The following PITPNM2 variants were observed in gnomAD, a reference collection of about 807,000 sequenced individuals.
PITPNM2 encodes phosphatidylinositol transfer protein membrane associated 2.
Under a neutral mutation model 132.2 loss-of-function variants are expected in PITPNM2, and 35 were observed. That is an observed-to-expected ratio of 0.26 (90% CI 0.20 to 0.35). The LOEUF is 0.35. PITPNM2 is among the 10% of genes least tolerant of loss of function. PITPNM2 has a pLI of 1.00. For missense variants in PITPNM2, 1,332 were observed against 1,912.0 expected (o/e 0.70, Z 5.66); for synonymous variants, 738 against 799.2 (o/e 0.92, Z 1.29).
At chr12:123,013,237 C>T (rs2039285261) in intron 4 of PITPNM2, among the ~76,000 whole-genome samples, 1 of 152,202 alleles carries the variant, frequency 6.6e-6, no homozygotes, top group Non-Finnish European at 1.5e-5. Flanking sequence ...GGAAGGGAGC[C>T]CCAGGAGATT....
At chr12:123,001,912 T>G (rs2038698537) in intron 8 of PITPNM2, among the ~76,000 whole-genome samples, 1 of 152,022 alleles carries the variant, frequency 6.6e-6, no homozygotes, top group Non-Finnish European at 1.5e-5. Flanking sequence ...GCGCCTGTAG[T>G]CTCAGCTACT....
chr12:122,999,796 A>G (rs1344619600), intron 10 of PITPNM2, among the ~76,000 whole-genome samples: 1 of 152,160 alleles, frequency 6.6e-6, no homozygotes, highest in Non-Finnish European at 1.5e-5. Flanking sequence ...TTGCAAGCAA[A>G]TGGATTTGGC....
rs767435446 is a variant in PITPNM2 at position 122,996,804 on chromosome 12, C to T, written c.1579G>A (p.Ala527Thr). ...LATSSPQYQE[A>T]VATVIQRANL... ...GCTCGCTGAATCACTGTGGCAACTG[C>T]CTCCTGGTACTGGGGGGAGGAGGTG... is the stretch of plus-strand genomic sequence containing the variant. Residue 527 changes from alanine to threonine, a missense_variant, in exon 12 of 26, where the codon GCA becomes ACA. Physicochemically the swap from Ala to Thr is moderately conservative, Grantham distance 58. Around this residue, in one of 6 missense-constraint regions of PITPNM2, gnomAD observed 710 missense variants for 911.5 expected, o/e 0.78. Transcript: ENST00000320201. 1.4e-5 allele frequency: 22 copies of T among 1,609,904 alleles called. No homozygotes were observed. The highest frequency in any genetic ancestry group is 1.7e-5 in the Non-Finnish European group (20 of 1,178,982).
rs550346319 is a variant in PITPNM2, at chr12:123,000,521, G to A, written c.1224+257C>T. On this transcript the variant is annotated intron_variant, in intron 10 of 25. Transcript: ENST00000320201. The surrounding 1 kb of genome is among the most constrained non-coding windows in gnomAD (Gnocchi z 5.4). Reference sequence around the variant, plus strand: ...CTCATTTTACTTTCCCATGGGTGGAGCTTGGATAAGGCTTTCTCAGGGGTT... The same window carrying A: ...CTCATTTTACTTTCCCATGGGTGGAACTTGGATAAGGCTTTCTCAGGGGTT... 173 of 699,522 alleles carry A rather than the reference G, an allele frequency of 2.5e-4. 5 individuals are homozygous for A. The highest frequency in any genetic ancestry group is 2.3e-3 in the South Asian group (154 of 67,276). The allele number at this position is 699,522 out of a possible 1,614,324, so 43.3% of individuals were successfully genotyped here.
chr12:123,142,703 C>T (rs1284847084), intron 1 of PITPNM2, among the ~76,000 whole-genome samples: 1 of 152,182 alleles, frequency 6.6e-6, no homozygotes, highest in Non-Finnish European at 1.5e-5. Context: ...TGTTTCCTTA[C>T]ACGATAACCC....
intron 2 of PITPNM2, among the ~76,000 whole-genome samples, chr12:123,044,735 C>A (rs2040597787): frequency 1.3e-5 from 2 of 152,188 alleles, no homozygotes; most frequent in South Asian, 4.1e-4. Flanking sequence ...TCACTATTTC[C>A]CACTCCTGAT....
rs140245359 is a variant in PITPNM2, at chr12:122,995,561, C to T, written c.1882G>A (p.Gly628Ser). 16 of 1,608,238 alleles carry T rather than the reference C, an allele frequency of 9.9e-6. No homozygotes were observed. In the African/African-American group the frequency reaches 2.0e-4, roughly 20 times the overall value. The stretch of plus-strand genomic sequence containing the variant: ...TCCAGGCTGGAGCCACCACTACTGC[C>T]ACCACCACCACTGCTGCCACCACCG... ...GGGGGSSGGG[G>S]SSGGSSLESS... The change falls in exon 14 of 26, where the codon GGC becomes AGC. Residue 628 changes from glycine (G) to serine (S), a missense_variant. Around this residue, in one of 6 missense-constraint regions of PITPNM2, gnomAD observed 710 missense variants for 911.5 expected, o/e 0.78. Coordinates refer to ENST00000320201, the MANE Select transcript of PITPNM2 (RefSeq NM_020845.3).
chr12:123,142,744 G>A (rs1386010247), intron 1 of PITPNM2, among the ~76,000 whole-genome samples: 2 of 152,180 alleles, frequency 1.3e-5, no homozygotes, highest in East Asian at 3.8e-4. Context: ...GGCCACCCCT[G>A]CTGATTGAAT....
At chr12:123,039,283 CA>C (rs959712806) in intron 2 of PITPNM2, among the ~76,000 whole-genome samples, 26 of 149,252 alleles carry the variant, frequency 1.7e-4, no homozygotes, top group East Asian at 3.9e-4. Context: ...ACATAAAATT[CA>C]AAAAAAAAGA....
chr12:123,001,440 C>A (rs1431904513), intron 8 of PITPNM2, among the ~76,000 whole-genome samples: 1 of 152,250 alleles, frequency 6.6e-6, no homozygotes, highest in Non-Finnish European at 1.5e-5. Context: ...TAAATGGGAG[C>A]CTCATACCCG....
Position 122,996,567 on chromosome 12 carries a change from A to G in PITPNM2, c.1673T>C (p.Ile558Thr), listed in dbSNP as rs945398191. 6 of 1,613,070 alleles carry G rather than the reference A, an allele frequency of 3.7e-6. No homozygotes were observed. Among genetic ancestry groups the G allele is most frequent in the East Asian group, 2.2e-5 (1 of 44,880 alleles). Residue 558 changes from isoleucine to threonine, a missense_variant, in exon 13 of 26, where the codon ATT (isoleucine) becomes ACT (threonine). Transcript: ENST00000320201. Reference protein sequence around the residue: ...GMTFNGQVCLIGDCVGGILAF... With the variant: ...GMTFNGQVCLTGDCVGGILAF... Reference sequence around the variant, plus strand: ...CAGGATGCCCCCGACGCAGTCCCCAATCAGGCAGACCTTGGGAGAGAGGGG... The same window carrying G: ...CAGGATGCCCCCGACGCAGTCCCCAGTCAGGCAGACCTTGGGAGAGAGGGG...
chr12:122,988,249 G>A lies in PITPNM2; in HGVS notation c.2982C>T (p.Thr994=). ...KPREKWQRKR[T]HVKLRNVTAN... The stretch of plus-strand genomic sequence containing the variant: ...GGACCCTCACCCGCAGCTTCACGTG[G>A]GTCCGCTTGCGCTGCCACTTCTCCC... Residue 994 remains threonine (T), a synonymous_variant, in exon 20 of 26, where the codon ACC becomes ACT. Transcript: ENST00000320201. 6.2e-7 allele frequency: 1 copy of A among 1,612,886 alleles called. No individual in the cohort carries two copies. Among genetic ancestry groups the A allele is most frequent in the East Asian group, 2.2e-5 (1 of 44,880 alleles).
intron 3 of PITPNM2, among the ~76,000 whole-genome samples, chr12:123,025,537 G>A (rs1029467916): frequency 1.2e-4 from 18 of 151,530 alleles, no homozygotes; most frequent in Non-Finnish European, 1.5e-4. Flanking sequence ...GGGTTCAAGC[G>A]ATTCCCTGCC....
chr12:123,132,420 G>A (rs1027228500), intron 1 of PITPNM2, among the ~76,000 whole-genome samples: 6 of 152,156 alleles, frequency 3.9e-5, no homozygotes, highest in African/African-American at 9.7e-5. Flanking sequence ...GCCAGGTGTG[G>A]TCCAGCCCCG....
rs57530745 is a variant in PITPNM2 at position 123,118,250 on chromosome 12, T to C, written c.-199-7762A>G. On this transcript the variant is annotated intron_variant, in intron 1 of 25. Transcript: ENST00000320201. ...CTTAGCCTTCTTAGAACTACCAGTCTAGGTGACAGTTCAGGGAGATTGGAT... is the reference window on the plus strand; with the variant it reads ...CTTAGCCTTCTTAGAACTACCAGTCCAGGTGACAGTTCAGGGAGATTGGAT... 6.4e-3 allele frequency among the ~76,000 whole-genome samples: 974 copies of C among 152,326 alleles called. 14 individuals are homozygous for C. Among genetic ancestry groups the C allele is most frequent in the African/African-American group, 0.022 (918 of 41,562 alleles).
At chr12:123,072,918 G>A (rs992357878) in intron 2 of PITPNM2, among the ~76,000 whole-genome samples, 11 of 152,198 alleles carry the variant, frequency 7.2e-5, no homozygotes, top group African/African-American at 1.9e-4. Context: ...GCCAGAATCC[G>A]GAGCCCCAAC....
At chr12:123,020,872 T>A (rs530806123) in intron 3 of PITPNM2, among the ~76,000 whole-genome samples, 1 of 148,056 alleles carries the variant, frequency 6.8e-6, no homozygotes, top group Non-Finnish European at 1.5e-5. Flanking sequence ...AAAACAATAA[T>A]AAAAAAAAAT....
chr12:122,989,880 T>TGGGGGGGGGG lies in PITPNM2; in HGVS notation c.2637_2638insCCCCCCCCCC (p.Ser880ProfsTer29). ...GGGTGGGGGCCAGGGGTGGTGGGGC[T>TGGGGGGGGGG]GGGGGCGGGCAGGGCGAGCAGGGAC... On this transcript the variant is annotated frameshift_variant, in exon 18 of 26. Transcript: ENST00000320201. LOFTEE classifies it high-confidence loss of function. 1 of 160,258 alleles carries TGGGGGGGGGG rather than the reference T, an allele frequency of 6.2e-6. No individual in the cohort carries two copies. The highest frequency in any genetic ancestry group is 1.0e-5 in the Non-Finnish European group (1 of 97,738). 9.9% of individuals were successfully genotyped at this position (160,258 alleles called of 1,614,324 possible).
At chr12:123,096,835 T>A (rs1031313304) in intron 2 of PITPNM2, among the ~76,000 whole-genome samples, 4 of 151,992 alleles carry the variant, frequency 2.6e-5, no homozygotes, top group African/African-American at 9.7e-5. Context: ...CCCAGCAGGA[T>A]GGCAGGCTGG....
Sources: gnomAD v4.1 joint callset for allele counts (sites outside exome capture counted in the v4.1 genomes callset) on GRCh38, gnomAD v4.1.1 for gene constraint, gnomAD v4.1.1 regional missense constraint, Gnocchi (gnomAD v3.1) non-coding constraint, MANE v1.5 for transcripts, NCBI Gene and HGNC (gene_info 2026-07-23, HGNC 2026-07-21) for gene names.